The following OLFM3 variants were observed in gnomAD, a reference collection of about 807,000 sequenced individuals.
OLFM3 encodes the protein noelin-3.
A neutral mutation model predicts 48.6 loss-of-function variants in OLFM3; 20 were observed. The ratio of observed to expected loss-of-function variants is 0.41; its 90% CI spans 0.29 to 0.60. The LOEUF is 0.60. Among genes scored for constraint, OLFM3 ranks in the 20% least tolerant of loss-of-function variants. The probability of loss-of-function intolerance (pLI) is 0.28; values close to 1 mark genes in which losing one functional copy is unlikely to be tolerated. For missense variants in OLFM3, 437 were observed against 544.3 expected (o/e 0.80, Z 1.96); for synonymous variants, 222 against 198.1 (o/e 1.12, Z -1.01).
At chr1:101,899,266 G>C (rs1290950200) in intron 1 of OLFM3, among the ~76,000 whole-genome samples, 1 of 152,006 alleles carries the variant, frequency 6.6e-6, no homozygotes, top group Non-Finnish European at 1.5e-5. Context: ...TTTTTCACTG[G>C]CTATTGGCCA....
intron 1 of OLFM3, among the ~76,000 whole-genome samples, chr1:101,960,013 GT>G (rs1377498887): frequency 1.1e-4 from 16 of 152,200 alleles, no homozygotes; most frequent in African/African-American, 3.9e-4. Context: ...GGATAAAAGT[GT>G]TTCTTTTGCA....
At chr1:101,980,438 A>G (rs1350137029) in intron 1 of OLFM3, among the ~76,000 whole-genome samples, 1 of 152,098 alleles carries the variant, frequency 6.6e-6, no homozygotes, top group East Asian at 1.9e-4. Context: ...TGGTGTTTTC[A>G]TGATAGTGAG....
At chr1:101,822,076 C>T (rs927328715) in intron 4 of OLFM3, among the ~76,000 whole-genome samples, 5 of 151,976 alleles carry the variant, frequency 3.3e-5, no homozygotes, top group South Asian at 2.1e-4. Context: ...AGGATGAATG[C>T]GTGCCTACTT....
rs1656037136 is a variant in OLFM3, at chr1:101,847,153, C to T, written c.70-10128G>A. ...CCCCATCCTCGTGGGAAGTGCCCTG[C>T]CCTTCTTTTTCCTCCCTTACCAGAC... On this transcript the variant is annotated intron_variant, in intron 1 of 5. Coordinates refer to ENST00000370103, the MANE Select transcript of OLFM3 (RefSeq NM_058170.4). 5 of 693,542 alleles carry T rather than the reference C, an allele frequency of 7.2e-6. No individual in the cohort carries two copies. The South Asian group carries it at 3.2e-4, about 45-fold the overall frequency. The allele number at this position is 693,542 out of a possible 1,614,324, so 43.0% of individuals were successfully genotyped here.
intron 1 of OLFM3, among the ~76,000 whole-genome samples, chr1:101,905,762 C>T (rs1271247412): frequency 2.0e-5 from 3 of 152,078 alleles, no homozygotes; most frequent in Non-Finnish European, 2.9e-5. Context: ...GAGTTACTGG[C>T]AGCAGCAAGG....
At chr1:101,990,923 T>C (rs1488404420) in intron 1 of OLFM3, among the ~76,000 whole-genome samples, 1 of 140,388 alleles carries the variant, frequency 7.1e-6, no homozygotes, top group Non-Finnish European at 1.5e-5. Context: ...AGGCAGAGCT[T>C]GCAGTGAGCC....
intron 1 of OLFM3, among the ~76,000 whole-genome samples, chr1:101,849,683 C>T (rs1233301034): frequency 2.0e-5 from 3 of 152,054 alleles, no homozygotes; most frequent in African/African-American, 7.2e-5. Context: ...ATGATGAGGT[C>T]CTGAAATAAT....
intron 1 of OLFM3, among the ~76,000 whole-genome samples, chr1:101,907,758 T>C (rs1425318373): frequency 1.3e-5 from 2 of 152,216 alleles, no homozygotes; most frequent in East Asian, 3.8e-4. Context: ...CGTGGTTACC[T>C]ACTTTGAGTT....
At chr1:101,983,000 C>T (rs1471553366) in intron 1 of OLFM3, among the ~76,000 whole-genome samples, 1 of 152,024 alleles carries the variant, frequency 6.6e-6, no homozygotes, top group African/African-American at 2.4e-5. Flanking sequence ...TTTTTAAATT[C>T]GATCTTTCAC....
chr1:101,823,915 G>A (rs974372541), intron 4 of OLFM3, among the ~76,000 whole-genome samples: 5 of 150,818 alleles, frequency 3.3e-5, no homozygotes, highest in East Asian at 1.9e-4. Context: ...TGGAGCCTCC[G>A]ATGTAGCAAT....
At position 101,996,892 on chromosome 1, in the gene OLFM3, C is replaced by T. The variant is rs1263100395; in HGVS notation, c.-76G>A. 7.2e-6 allele frequency: 5 copies of T among 696,682 alleles called. No individual in the cohort carries two copies. In the African/African-American group the frequency reaches 1.2e-4, roughly 17 times the overall value. 43.2% of individuals were successfully genotyped at this position (696,682 alleles called of 1,614,324 possible). A position where few individuals can be genotyped will look rare whatever the true frequency, so the allele number is the denominator to read the frequency against. ...CTCACTGCAGAGACCTTTCCCTCGT[C>T]AGTTGCACTTTCTGCCTGCCAGTCA... On this transcript the variant is annotated 5_prime_UTR_variant, in exon 1 of 6. Transcript: ENST00000370103.
intron 1 of OLFM3, among the ~76,000 whole-genome samples, chr1:101,946,371 A>C (rs1179633481): frequency 6.6e-6 from 1 of 152,248 alleles, no homozygotes; most frequent in Non-Finnish European, 1.5e-5. Flanking sequence ...TGACTTGAAC[A>C]ACAGAAGTGG....
At chr1:101,912,392 T>C (rs1658789765) in intron 1 of OLFM3, among the ~76,000 whole-genome samples, 1 of 152,234 alleles carries the variant, frequency 6.6e-6, no homozygotes. Context: ...ATGGCTTCTC[T>C]GAAGGTCATC....
chr1:101,987,518 T>G (rs758536942), intron 1 of OLFM3, among the ~76,000 whole-genome samples: 14 of 152,164 alleles, frequency 9.2e-5, no homozygotes, highest in Non-Finnish European at 7.4e-5. Flanking sequence ...CTTACGTACA[T>G]GTAAAAATAA....
intron 1 of OLFM3, among the ~76,000 whole-genome samples, chr1:101,842,734 AG>A (rs749813104): frequency 2.0e-5 from 3 of 152,302 alleles, no homozygotes; most frequent in Non-Finnish European, 4.4e-5. Flanking sequence ...ACTGCTTTAC[AG>A]GCAGCCCCCT....
At chr1:101,905,092 T>A (rs1391332362) in intron 1 of OLFM3, among the ~76,000 whole-genome samples, 1 of 152,172 alleles carries the variant, frequency 6.6e-6, no homozygotes, top group Non-Finnish European at 1.5e-5. Context: ...TGTGTACTCA[T>A]CAGAACATAT....
chr1:101,989,481 A>G (rs1661338653), intron 1 of OLFM3, among the ~76,000 whole-genome samples: 1 of 152,164 alleles, frequency 6.6e-6, no homozygotes, highest in Non-Finnish European at 1.5e-5. Flanking sequence ...TAACAGAGAT[A>G]AATTAAACCT....
intron 1 of OLFM3, among the ~76,000 whole-genome samples, chr1:101,865,061 A>T (rs564168559): frequency 1.3e-5 from 2 of 152,320 alleles, no homozygotes; most frequent in South Asian, 4.1e-4. Context: ...TTCTTGGCTC[A>T]GACCTTCAAA....
intron 3 of OLFM3, among the ~76,000 whole-genome samples, chr1:101,827,663 G>A (rs1013252497): frequency 7.9e-5 from 12 of 152,094 alleles, no homozygotes; most frequent in African/African-American, 2.7e-4. Flanking sequence ...TATATGTTGA[G>A]CACCTAATTA....
Sources: gnomAD v4.1 joint callset for allele counts (sites outside exome capture counted in the v4.1 genomes callset) on GRCh38, gnomAD v4.1.1 for gene constraint, MANE v1.5 for transcripts, NCBI Gene and HGNC (gene_info 2026-07-23, HGNC 2026-07-21) for gene names.